Variants in TSEN2 observed in about 807,000 individuals in gnomAD.
TSEN2 encodes the protein tRNA splicing endonuclease subunit 2, also known as tRNA-splicing endonuclease subunit Sen2.
TSEN2 carries 54 observed loss-of-function variants against 59.2 expected under a neutral mutation model. The ratio of observed to expected loss-of-function variants is 0.91; its 90% CI spans 0.73 to 1.14. The LOEUF (loss-of-function observed/expected upper bound fraction) is 1.14, where lower values mean the gene tolerates loss of function less well. TSEN2 is among the 50% of genes most tolerant of loss of function. The probability of loss-of-function intolerance (pLI) is 0.00; values close to 1 mark genes in which losing one functional copy is unlikely to be tolerated. For missense variants in TSEN2, 636 were observed against 576.2 expected (o/e 1.10, Z -1.06); for synonymous variants, 195 against 198.2 (o/e 0.98, Z 0.14).
chr3:12,489,936 A>G lies in TSEN2; in HGVS notation c.136A>G (p.Asn46Asp), dbSNP rs1277473435. The part of the protein sequence containing the change: ...EFKIFRAEMI[N>D]NNVIVRNAED... ...CAAGATATTCCGTGCTGAAATGATT[A>G]ACAACAATGTGATTGTGAGGAATGC... The change falls in exon 2 of 12, where the codon AAC (asparagine) becomes GAC (aspartate). Residue 46 changes from asparagine (N) to aspartate (D), a missense_variant. Transcript: ENST00000284995. 1.4e-5 allele frequency: 23 copies of G among 1,614,038 alleles called. No individual in the cohort carries two copies. The highest frequency in any genetic ancestry group is 1.9e-5 in the Non-Finnish European group (22 of 1,179,994).
At chr3:12,519,638 C>T (rs1037017902) in intron 8 of TSEN2, among the ~76,000 whole-genome samples, 10 of 151,944 alleles carry the variant, frequency 6.6e-5, no homozygotes, top group Non-Finnish European at 1.5e-4. Flanking sequence ...CCCAGCTACT[C>T]GGGAGGCTGA....
intron 9 of TSEN2, 49 bp from the exon 10 acceptor site, chr3:12,529,713 C>T: frequency 6.5e-7 from 1 of 1,534,546 alleles, no homozygotes; most frequent in Non-Finnish European, 9.0e-7. Context: ...TCTTTTTAAA[C>T]AGATTTATTT....
intron 3 of TSEN2, among the ~76,000 whole-genome samples, chr3:12,494,489 T>G (rs1020823107): frequency 6.6e-6 from 1 of 152,188 alleles, no homozygotes; most frequent in African/African-American, 2.4e-5. Flanking sequence ...CTCCACTTCC[T>G]GGGTTCAAGC....
chr3:12,513,096 TAG>T (rs1258528137), intron 6 of TSEN2, among the ~76,000 whole-genome samples: 3 of 152,220 alleles, frequency 2.0e-5, no homozygotes, highest in African/African-American at 7.2e-5. Context: ...CCTCCATCTG[TAG>T]TAAGTGCCTA....
At chr3:12,530,130 A>C in intron 10 of TSEN2, 10 of 1,376,670 alleles carry the variant, frequency 7.3e-6, no homozygotes, top group Non-Finnish European at 9.3e-6. Context: ...GGAGTGTCCC[A>C]TGGTGATCTG....
chr3:12,517,312 A>G (rs1250748974), intron 7 of TSEN2, among the ~76,000 whole-genome samples: 1 of 138,852 alleles, frequency 7.2e-6, no homozygotes, highest in East Asian at 2.0e-4. Flanking sequence ...GAGCCGAGAT[A>G]GCGCCACTGC....
intron 6 of TSEN2, among the ~76,000 whole-genome samples, chr3:12,506,295 T>G (rs544084974): frequency 6.6e-6 from 1 of 152,026 alleles, no homozygotes; most frequent in Non-Finnish European, 1.5e-5. Context: ...AGTAGCTACA[T>G]TCTTGAAAGT....
At chr3:12,519,250 C>T (rs2125163834) in intron 8 of TSEN2, 53 bp downstream of exon 8, 2 of 1,605,980 alleles carry the variant, frequency 1.2e-6, no homozygotes, top group Non-Finnish European at 1.7e-6. Flanking sequence ...ATCAGATTCA[C>T]CCTAGAATAT....
chr3:12,486,939 G>A (rs1303364142), intron 1 of TSEN2, among the ~76,000 whole-genome samples: 1 of 152,176 alleles, frequency 6.6e-6, no homozygotes, highest in East Asian at 1.9e-4. Context: ...GTCAACTATT[G>A]ATGGACATTT....
Position 12,528,932 on chromosome 3 carries a change from G to A in TSEN2, c.1136+8G>A, listed in dbSNP as rs1423414030. ...TCCATTTTACCATGCAAGGTTCGGA[G>A]TGATTTTTAAATAAACTAATGGGTT... is the stretch of plus-strand genomic sequence containing the variant. On this transcript the variant is annotated splice_region_variant and intron_variant, in intron 9 of 11. Coordinates refer to ENST00000284995, the MANE Select transcript of TSEN2 (RefSeq NM_025265.4). The A allele has an allele frequency of 1.9e-6, 3 of 1,613,976 alleles. No individual in the cohort carries two copies. The highest frequency in any genetic ancestry group is 4.5e-5 in the East Asian group (2 of 44,860).
Position 12,533,095 on chromosome 3 carries a change from T to C in TSEN2, c.*374T>C. ...ATGGTAGTAGTTTACATTTATACAG[T>C]ACAGTTTATGAAGCACTTTCATACG... On this transcript the variant is annotated 3_prime_UTR_variant, in exon 12 of 12. Transcript: ENST00000284995. 6.2e-6 allele frequency: 2 copies of C among 321,820 alleles called. No homozygotes were observed. The highest frequency in any genetic ancestry group is 3.4e-5 in the South Asian group (1 of 29,820). 19.9% of individuals were successfully genotyped at this position (321,820 alleles called of 1,614,324 possible).
At chr3:12,526,282 T>C (rs139318879) in intron 8 of TSEN2, among the ~76,000 whole-genome samples, 328 of 152,324 alleles carry the variant, frequency 2.2e-3, no homozygotes, top group African/African-American at 7.5e-3. Flanking sequence ...CACGACTCAC[T>C]CACCCAGAGC....
rs1283514820 is a variant in TSEN2 at position 12,503,622 on chromosome 3, C to T, written c.669C>T (p.Cys223=). 13 of 1,594,240 alleles carry T rather than the reference C, an allele frequency of 8.2e-6. No homozygotes were observed. Among genetic ancestry groups the T allele is most frequent in the Middle Eastern group, 1.7e-4 (1 of 5,970 alleles). ...CACCTCTGCCCCATGTCTGTTGCTG[C>T]AAACAAGATGCTCTCATCCTCCAGC... ...DASPLPHVCC[C]KQDALILQRG... is the part of the protein sequence containing the mutation. The change falls in exon 5 of 12, where the codon TGC becomes TGT. Residue 223 remains cysteine (C), a synonymous_variant. Coordinates refer to ENST00000284995, the MANE Select transcript of TSEN2 (RefSeq NM_025265.4).
At chr3:12,504,454 A>G (rs1018346918) in intron 5 of TSEN2, among the ~76,000 whole-genome samples, 3 of 152,036 alleles carry the variant, frequency 2.0e-5, no homozygotes, top group South Asian at 4.1e-4. Context: ...GTGGTGGTAC[A>G]TGCCAGTAGT....
At chr3:12,512,871 A>T (rs1190014667) in intron 6 of TSEN2, among the ~76,000 whole-genome samples, 1 of 152,176 alleles carries the variant, frequency 6.6e-6, no homozygotes, top group Non-Finnish European at 1.5e-5. Context: ...TGTTATTGAG[A>T]TCTATTTTTC....
At chr3:12,533,901 G>C (rs978266369), downstream of TSEN2, among the ~76,000 whole-genome samples, 2 of 152,122 alleles carry the variant, frequency 1.3e-5, no homozygotes, top group African/African-American at 4.8e-5. Flanking sequence ...TTGGAGAGTG[G>C]GAGTTGAGAT....
At chr3:12,539,146 T>C (rs1428419646) in intron 10 of TSEN2, 1 of 445,796 alleles carries the variant, frequency 2.2e-6, no homozygotes, top group Admixed American at 2.5e-5. Flanking sequence ...TCTTTTTTTT[T>C]TTCTTGTGAT....
At chr3:12,520,347 C>A (rs1052552778) in intron 8 of TSEN2, among the ~76,000 whole-genome samples, 1 of 152,168 alleles carries the variant, frequency 6.6e-6, no homozygotes, top group African/African-American at 2.4e-5. Flanking sequence ...AAAAGTAGGT[C>A]ATTGCCCATA....
intron 3 of TSEN2, among the ~76,000 whole-genome samples, chr3:12,496,179 C>T (rs2053729388): frequency 6.6e-6 from 1 of 152,220 alleles, no homozygotes; most frequent in Admixed American, 6.5e-5. Context: ...CCTCTAGGGC[C>T]TCAGCATTCT....
Sources: allele counts gnomAD v4.1 joint callset (sites outside exome capture counted in the v4.1 genomes callset), GRCh38; gene constraint gnomAD v4.1.1; transcripts MANE v1.5; gene names NCBI Gene and HGNC (gene_info 2026-07-23, HGNC 2026-07-21).